The following KLK6 variants were observed in gnomAD, a reference collection of about 807,000 sequenced individuals.
The protein encoded by KLK6 is kallikrein-6.
Under a neutral mutation model 21.7 loss-of-function variants are expected in KLK6, and 16 were observed. That is an observed-to-expected ratio of 0.74 (90% CI 0.50 to 1.12). The LOEUF (loss-of-function observed/expected upper bound fraction) is 1.12. Ranked by LOEUF, KLK6 falls within the 50% of genes most tolerant of loss-of-function variation. The pLI is 0.00. For synonymous variants in KLK6, 116 were observed against 120.1 expected, an observed-to-expected ratio of 0.97 and a Z score of 0.22; for missense variants, 276 against 304.6, an observed-to-expected ratio of 0.91 and a Z score of 0.70.
At chr19:50,967,511 C>CCA (rs146062864) in intron 3 of KLK6, among the ~76,000 whole-genome samples, 186 bp from the exon 4 acceptor site, 2,804 of 125,462 alleles carry the variant, frequency 0.022, 40 homozygotes, top group South Asian at 0.036. Flanking sequence ...GACCTCATCT[C>CCA]CACACACACA....
chr19:50,963,181 A>AT, intron 5 of KLK6, 121 bp downstream of exon 5: 1 of 1,378,706 alleles, frequency 7.3e-7, no homozygotes, highest in East Asian at 2.3e-5. Flanking sequence ...ACCCTGTCCC[A>AT]TTGGTCCTCA....
At chr19:50,965,477 G>A (rs1444161344) in intron 4 of KLK6, among the ~76,000 whole-genome samples, 2 of 149,866 alleles carry the variant, frequency 1.3e-5, no homozygotes, top group African/African-American at 2.5e-5. Context: ...GTAGAGACAG[G>A]GTTGAGCCAT....
chr19:50,967,076 T>G, intron 4 of KLK6, 93 bp downstream of exon 4: 1 of 1,403,490 alleles, frequency 7.1e-7, no homozygotes, highest in South Asian at 1.2e-5. Flanking sequence ...CGTGCTGGGA[T>G]GGGGGGGATG....
chr19:50,962,525 C>T (rs2090859757), intron 5 of KLK6: 1 of 152,986 alleles, frequency 6.5e-6, no homozygotes, highest in Middle Eastern at 2.7e-3. Context: ...TCCTAACTGG[C>T]CCTGCCCTCC....
intron 6 of KLK6, among the ~76,000 whole-genome samples, chr19:50,960,720 G>C (rs538988818): frequency 3.9e-4 from 59 of 152,162 alleles, no homozygotes; most frequent in African/African-American, 1.3e-3. Context: ...AGCCTCCCGA[G>C]TAGCTGGGAC....
chr19:50,960,884 G>A (rs912212157), intron 6 of KLK6, among the ~76,000 whole-genome samples: 4 of 152,152 alleles, frequency 2.6e-5, no homozygotes, highest in Non-Finnish European at 5.9e-5. Context: ...TCCTGCCACA[G>A]CCTCCTGAGT....
intron 1 of KLK6, 45 bp from the exon 2 acceptor site, chr19:50,968,636 T>G: frequency 5.9e-6 from 1 of 169,578 alleles, no homozygotes; most frequent in Non-Finnish European, 1.3e-5. Context: ...CGGGGAGCCG[T>G]GAGGAGAGAA....
rs952012950 is a variant in KLK6, at chr19:50,967,959, C to T, written c.40+106G>A. 5 of 1,012,268 alleles carry T rather than the reference C, an allele frequency of 4.9e-6. No homozygotes were observed. The Admixed American group carries it at 6.9e-5, about 14-fold the overall frequency. 62.7% of individuals were successfully genotyped at this position (1,012,268 alleles called of 1,614,324 possible). ...AACGTCTTCCTCATTTCAAAGCTCC[C>T]CCACCCCAACCCTGTGCATATCCCC... On this transcript the variant is annotated intron_variant, in intron 3 of 6. Transcript: ENST00000310157.
intron 4 of KLK6, 141 bp downstream of exon 4, chr19:50,967,024 CAATT>C: frequency 1.3e-6 from 1 of 793,782 alleles, no homozygotes; most frequent in Non-Finnish European, 2.1e-6. Context: ...ATTAAGTACT[CAATT>C]AAGCAACAGC....
intron 6 of KLK6, 92 bp from the exon 7 acceptor site, chr19:50,959,408 T>TGTGTGTGA: frequency 4.5e-6 from 4 of 885,002 alleles, no homozygotes; most frequent in Non-Finnish European, 6.4e-6. Context: ...TGTGTGTGTG[T>TGTGTGTGA]GACAGAGAGA....
At chr19:50,967,352 G>C (rs371946591) in intron 3 of KLK6, 27 bp from the exon 4 acceptor site, 2 of 1,574,162 alleles carry the variant, frequency 1.3e-6, no homozygotes, top group East Asian at 4.5e-5. Flanking sequence ...CTGAGTCAGA[G>C]AGGAGTTCTG....
chr19:50,963,141 T>C (rs2123635318), intron 5 of KLK6, among the ~76,000 whole-genome samples, 161 bp downstream of exon 5: 2 of 152,216 alleles, frequency 1.3e-5, no homozygotes, highest in Middle Eastern at 3.4e-3. Context: ...AAATTCACTC[T>C]CCCTCCCCCT....
chr19:50,968,198 C>T (rs2090958124), intron 2 of KLK6, 86 bp from the exon 3 acceptor site: 2 of 1,199,592 alleles, frequency 1.7e-6, no homozygotes. Flanking sequence ...TCCTCTCCTT[C>T]CTTCCTGGCC....
chr19:50,963,199 C>G, intron 5 of KLK6, 103 bp downstream of exon 5: 1 of 1,472,484 alleles, frequency 6.8e-7, no homozygotes, highest in Non-Finnish European at 9.2e-7. Flanking sequence ...TCACCATTAG[C>G]CCATCTTCCC....
In KLK6 at chr19:50,959,109, T is replaced by G. The variant is rs780420737; in HGVS notation, c.*55A>C. 46 of 1,605,476 alleles carry G rather than the reference T, an allele frequency of 2.9e-5. No individual in the cohort carries two copies. The highest frequency in any genetic ancestry group is 3.7e-5 in the Non-Finnish European group (43 of 1,173,268). The stretch of plus-strand genomic sequence containing the variant: ...GGAGGCAAGGTCTAGGTGAGAGACG[T>G]TCTGGAACCAGCCAGTGGGGTGGTA... On this transcript the variant is annotated 3_prime_UTR_variant, in exon 7 of 7. Transcript: ENST00000310157.
In KLK6 at chr19:50,963,300, A is replaced by C. The variant is rs1298444117; in HGVS notation, c.445+2T>G. Reference sequence around the variant, plus strand: ...GCTCCCCACCAGCCTCCCACTACTGACCATCTGCTGTCTTGCCCCAGCCCA... The same window carrying C: ...GCTCCCCACCAGCCTCCCACTACTGCCCATCTGCTGTCTTGCCCCAGCCCA... On this transcript the variant is annotated splice_donor_variant, in intron 5 of 6. Coordinates refer to ENST00000310157, the MANE Select transcript of KLK6 (RefSeq NM_002774.4). LOFTEE classifies it high-confidence loss of function. 6.2e-7 allele frequency: 1 copy of C among 1,611,886 alleles called. No homozygotes were observed. The highest frequency in any genetic ancestry group is 1.7e-5 in the Admixed American group (1 of 59,986).
chr19:50,968,257 A>G, intron 2 of KLK6, 145 bp from the exon 3 acceptor site: 1 of 746,256 alleles, frequency 1.3e-6, no homozygotes, highest in South Asian at 1.5e-5. Context: ...TAGCCTCCTG[A>G]TTTATTCTTC....
chr19:50,968,490 T>C (rs866113510), intron 2 of KLK6, 51 bp downstream of exon 2: 1 of 258,216 alleles, frequency 3.9e-6, no homozygotes, highest in African/African-American at 2.2e-5. Flanking sequence ...CTGTGCGCAA[T>C]GGCCACCCAC....
Position 50,961,785 on chromosome 19 carries a change from A to G in KLK6, c.541T>C (p.Leu181=). 1 of 1,613,996 alleles carries G rather than the reference A, an allele frequency of 6.2e-7. No homozygotes were observed. The highest frequency in any genetic ancestry group is 8.5e-7 in the Non-Finnish European group (1 of 1,179,918). The change falls in exon 6 of 7, where the codon TTG becomes CTG. Residue 181 remains leucine (L), a synonymous_variant. Transcript: ENST00000310157. ...AYPGQITQNM[L]CAGDEKYGKD... ...CCGTACTTCTCATCCCCAGCACACAACATGTTCTGGGTGATCTGGCCAGGG... is the reference window on the plus strand; with the variant it reads ...CCGTACTTCTCATCCCCAGCACACAGCATGTTCTGGGTGATCTGGCCAGGG...
Sources: allele counts gnomAD v4.1 joint callset (sites outside exome capture counted in the v4.1 genomes callset), GRCh38; gene constraint gnomAD v4.1.1; transcripts MANE v1.5; gene names NCBI Gene and HGNC (gene_info 2026-07-23, HGNC 2026-07-21).